The following GCSAML variants were observed in gnomAD, a reference collection of about 807,000 sequenced individuals.
The protein encoded by GCSAML is germinal center associated signaling and motility like, also known as germinal center-associated signaling and motility-like protein.
GCSAML carries 9 observed loss-of-function variants against 13.0 expected under a neutral mutation model. The observed-to-expected ratio is 0.69, with a 90% confidence interval of 0.42 to 1.21. The LOEUF is 1.21. GCSAML is among the 50% of genes most tolerant of loss of function. The probability of loss-of-function intolerance (pLI) is 0.00; values close to 1 mark genes in which losing one functional copy is unlikely to be tolerated. For missense variants in GCSAML, 143 were observed against 153.4 expected, an observed-to-expected ratio of 0.93 and a Z score of 0.36; for synonymous variants, 37 against 52.9, an observed-to-expected ratio of 0.70 and a Z score of 1.31.
At chr1:247,531,526 C>T (rs776282164) in intron 2 of GCSAML, 1 of 1,600,648 alleles carries the variant, frequency 6.2e-7, no homozygotes, top group East Asian at 2.2e-5. Context: ...CTTGATCTTC[C>T]TTCTCAGAAG....
intron 1 of GCSAML, among the ~76,000 whole-genome samples, chr1:247,516,015 G>A (rs1302562101): frequency 6.6e-6 from 1 of 152,182 alleles, no homozygotes; most frequent in Non-Finnish European, 1.5e-5. Context: ...GTCATTTAGG[G>A]TATGATGTTT....
intron 2 of GCSAML, among the ~76,000 whole-genome samples, chr1:247,538,263 A>C (rs1667290080): frequency 6.6e-6 from 1 of 152,194 alleles, no homozygotes; most frequent in African/African-American, 2.4e-5. Context: ...CACTTTCTCT[A>C]TTGACACCCT....
chr1:247,512,958 G>C (rs560919160), intron 1 of GCSAML, among the ~76,000 whole-genome samples: 7 of 152,276 alleles, frequency 4.6e-5, no homozygotes, highest in African/African-American at 1.7e-4. Flanking sequence ...ACCCTGCTGG[G>C]AGGTGTCTCC....
At chr1:247,552,937 G>A (rs760661285) in intron 1 of GCSAML, among the ~76,000 whole-genome samples, 1 of 152,058 alleles carries the variant, frequency 6.6e-6, no homozygotes, top group Non-Finnish European at 1.5e-5. Context: ...TGTATTTTTA[G>A]TGGAGACGGG....
chr1:247,551,609 A>C (rs561171189), intron 1 of GCSAML, among the ~76,000 whole-genome samples: 7 of 152,336 alleles, frequency 4.6e-5, no homozygotes, highest in Non-Finnish European at 8.8e-5. Context: ...GGGCAAAAGG[A>C]AAACTTCCCC....
At chr1:247,563,069 C>T (rs914088312) in intron 2 of GCSAML, among the ~76,000 whole-genome samples, 4 of 149,488 alleles carry the variant, frequency 2.7e-5, no homozygotes, top group Non-Finnish European at 4.4e-5. Flanking sequence ...AGGAAGGTCT[C>T]GATCTCCTAA....
intron 1 of GCSAML, among the ~76,000 whole-genome samples, chr1:247,519,691 A>G (rs543529049): frequency 2.0e-5 from 3 of 152,250 alleles, no homozygotes; most frequent in Admixed American, 6.5e-5. Context: ...TCAGTTGTGT[A>G]TATGTGTGTG....
At chr1:247,536,423 G>A (rs1165937628) in intron 2 of GCSAML, 1 of 152,194 alleles carries the variant, frequency 6.6e-6, no homozygotes, top group African/African-American at 2.4e-5. Context: ...CAATGGGATT[G>A]AACTAGCAGA....
rs545205354 is a variant in GCSAML at position 247,550,728 on chromosome 1, A to G, written c.29+1508A>G. Among the ~76,000 whole-genome samples the G allele has an allele frequency of 3.9e-5, 6 of 152,324 alleles. No homozygotes were observed. The East Asian group carries it at 1.2e-3, about 29-fold the overall frequency. ...GGATGAGCATGAGTCTGGGCAGTAG[A>G]TGGAGGACAAATGACACAATTGTGC... On this transcript the variant is annotated intron_variant, in intron 1 of 4. Coordinates refer to ENST00000366488, the MANE Select transcript of GCSAML (RefSeq NM_145278.5).
chr1:247,574,183 CTGTCA>C lies in GCSAML; in HGVS notation c.211_215del (p.Val71Ter). 1 of 1,614,038 alleles carries C rather than the reference CTGTCA, an allele frequency of 6.2e-7. No homozygotes were observed. Among genetic ancestry groups the C allele is most frequent in the Non-Finnish European group, 8.5e-7 (1 of 1,179,896 alleles). ...AGTGGTTCTGAAGAAGTGTGCTACA[CTGTCA>C]TTAATCACATCCCCCATCAGAGATC... On this transcript the variant is annotated frameshift_variant, in exon 5 of 5. Transcript: ENST00000366488. LOFTEE classifies it low-confidence loss of function (END_TRUNC).
chr1:247,518,167 G>A (rs1045554755), intron 1 of GCSAML, among the ~76,000 whole-genome samples: 10 of 152,200 alleles, frequency 6.6e-5, no homozygotes, highest in African/African-American at 2.4e-4. Flanking sequence ...TCTGGCTCCT[G>A]GTCTGGCCTG....
chr1:247,563,599 G>T lies in GCSAML; in HGVS notation c.99G>T (p.Met33Ile). The change falls in exon 3 of 5, where the codon ATG becomes ATT. Residue 33 changes from methionine (M) to isoleucine (I), a missense_variant. Coordinates refer to ENST00000366488, the MANE Select transcript of GCSAML (RefSeq NM_145278.5). ...ATCTCTTTCCTTGTAGGCAGGAAAT[G>T]ACTACATTTGAAAGAAAACTTCAAG... ...NPDEERKRQE[M>I]TTFERKLQDQ... 6.3e-7 allele frequency: 1 copy of T among 1,577,784 alleles called. No individual in the cohort carries two copies. The highest frequency in any genetic ancestry group is 8.7e-7 in the Non-Finnish European group (1 of 1,148,394).
intron 1 of GCSAML, among the ~76,000 whole-genome samples, chr1:247,553,572 A>C (rs1200317568): frequency 1.3e-5 from 2 of 152,170 alleles, no homozygotes; most frequent in African/African-American, 4.8e-5. Flanking sequence ...TGCCTCTATC[A>C]AAATAAGGAG....
At chr1:247,555,503 G>A (rs1667917497) in intron 1 of GCSAML, among the ~76,000 whole-genome samples, 2 of 152,140 alleles carry the variant, frequency 1.3e-5, no homozygotes, top group South Asian at 4.1e-4. Context: ...TCTTTGCTTA[G>A]TGGCTTTGTG....
At chr1:247,516,615 G>A (rs1666219401) in intron 1 of GCSAML, among the ~76,000 whole-genome samples, 2 of 147,842 alleles carry the variant, frequency 1.4e-5, no homozygotes, top group South Asian at 4.3e-4. Context: ...CTGGTGATCA[G>A]ACAGTAACCC....
At chr1:247,522,694 T>C (rs1666495021) in intron 1 of GCSAML, among the ~76,000 whole-genome samples, 1 of 152,176 alleles carries the variant, frequency 6.6e-6, no homozygotes. Context: ...TGTGCTTTGT[T>C]AAACAGATGC....
upstream of GCSAML, among the ~76,000 whole-genome samples, chr1:247,546,223 T>C (rs977490410): frequency 1.3e-5 from 2 of 152,166 alleles, no homozygotes; most frequent in African/African-American, 4.8e-5. Context: ...GTGCAGTAGC[T>C]ATTCACGGGC....
intron 2 of GCSAML, among the ~76,000 whole-genome samples, chr1:247,560,281 T>C (rs989423693): frequency 6.6e-6 from 1 of 152,248 alleles, no homozygotes; most frequent in Non-Finnish European, 1.5e-5. Context: ...CAAATGTGGT[T>C]GTGCAGTAAT....
chr1:247,570,258 T>G (rs1300368040), intron 4 of GCSAML, among the ~76,000 whole-genome samples: 23 of 152,154 alleles, frequency 1.5e-4, no homozygotes, highest in Admixed American at 1.3e-3. Flanking sequence ...GCTTTTGAAT[T>G]TGTTTGCTGT....
Sources: allele counts gnomAD v4.1 joint callset (sites outside exome capture counted in the v4.1 genomes callset), GRCh38; gene constraint gnomAD v4.1.1; transcripts MANE v1.5; gene names NCBI Gene and HGNC (gene_info 2026-07-23, HGNC 2026-07-21).